LRBA: variants seen among roughly 807,000 people sequenced by gnomAD.
LRBA encodes the protein LPS responsive beige-like anchor protein.
Under a neutral mutation model 330.0 loss-of-function variants are expected in LRBA, and 176 were observed. The ratio of observed to expected loss-of-function variants is 0.53; its 90% CI spans 0.47 to 0.60. The LOEUF (loss-of-function observed/expected upper bound fraction) is 0.60, where lower values mean the gene tolerates loss of function less well. Among genes scored for constraint, LRBA ranks in the 20% least tolerant of loss-of-function variants. LRBA has a pLI of 0.00. For synonymous variants in LRBA, 1,230 were observed against 1,193.0 expected, an observed-to-expected ratio of 1.03 and a Z score of -0.64; for missense variants, 3,259 against 3,444.8, an observed-to-expected ratio of 0.95 and a Z score of 1.35.
At chr4:150,309,157 T>G (rs1730739843) in intron 52 of LRBA, among the ~76,000 whole-genome samples, 1 of 152,160 alleles carries the variant, frequency 6.6e-6, no homozygotes, top group Admixed American at 6.5e-5. Flanking sequence ...TTTTATCTCT[T>G]ATACCATACT....
chr4:150,275,505 A>G (rs1179757179), intron 56 of LRBA, among the ~76,000 whole-genome samples: 1 of 152,238 alleles, frequency 6.6e-6, no homozygotes, highest in African/African-American at 2.4e-5. Context: ...CTGTTTGCAG[A>G]TGACATGATT....
Position 150,639,819 on chromosome 4 carries a change from GTATATA to G in LRBA, c.5922-40694_5922-40689del, listed in dbSNP as rs56731034. On this transcript the variant is annotated intron_variant, in intron 37 of 56. Transcript: ENST00000651943. ...TATATATATATATGTGTGTGTGTGTGTATATATATATATATATATATATATATATAT... is the reference window on the plus strand; with the variant it reads ...TATATATATATATGTGTGTGTGTGTGTATATATATATATATATATATATAT... 3.8e-3 allele frequency among the ~76,000 whole-genome samples: 17 copies of G among 4,510 alleles called. 1 individual carries two copies. Among genetic ancestry groups the G allele is most frequent in the East Asian group, 0.021 (2 of 96 alleles). 3.0% of individuals were successfully genotyped at this position (4,510 alleles called of 152,430 possible).
chr4:150,328,437 G>A (rs1733574668), intron 48 of LRBA, among the ~76,000 whole-genome samples: 1 of 152,058 alleles, frequency 6.6e-6, no homozygotes, highest in African/African-American at 2.4e-5. Flanking sequence ...ATGTGTGCAT[G>A]TTTTTAAGCA....
rs181317611 is a variant in LRBA at position 150,842,887 on chromosome 4, A to G, written c.4569+1213T>C. On this transcript the variant is annotated intron_variant, in intron 28 of 56. Transcript: ENST00000651943. ...TAGTTTCATAGAAGACAATTTTTCA[A>G]TGGACCTGTAGGGGGTAAGAGGCGG... Among the ~76,000 whole-genome samples, 512 of 151,406 alleles carry G rather than the reference A, an allele frequency of 3.4e-3. 2 individuals carry two copies. The highest frequency in any genetic ancestry group is 0.012 in the African/African-American group (486 of 41,408).
At chr4:150,473,645 T>A (rs1181920821) in intron 42 of LRBA, among the ~76,000 whole-genome samples, 1 of 152,236 alleles carries the variant, frequency 6.6e-6, no homozygotes, top group East Asian at 1.9e-4. Context: ...TCTTACCCCA[T>A]CCCTCTCTCC....
chr4:150,579,511 A>G (rs977099425), intron 40 of LRBA: 1 of 384,004 alleles, frequency 2.6e-6, no homozygotes, highest in Non-Finnish European at 5.1e-6. Flanking sequence ...TATTTACTAG[A>G]GCATCTACCT....
chr4:150,736,453 A>T (rs892509679), intron 35 of LRBA, among the ~76,000 whole-genome samples: 9 of 152,122 alleles, frequency 5.9e-5, no homozygotes, highest in Admixed American at 3.9e-4. Flanking sequence ...GAACTGAAAA[A>T]AAATAAATAA....
intron 37 of LRBA, among the ~76,000 whole-genome samples, chr4:150,650,133 G>C (rs1779573071): frequency 6.6e-6 from 1 of 152,164 alleles, no homozygotes; most frequent in Admixed American, 6.5e-5. Context: ...CTCGTTCAAA[G>C]TTGCAAAGCC....
intron 48 of LRBA, among the ~76,000 whole-genome samples, chr4:150,333,254 G>A (rs998827873): frequency 1.5e-4 from 23 of 151,664 alleles, no homozygotes; most frequent in African/African-American, 5.6e-4. Flanking sequence ...AAGATGTAGG[G>A]TAGGGGAGAA....
intron 9 of LRBA, among the ~76,000 whole-genome samples, chr4:150,913,651 T>C (rs1162229077): frequency 6.6e-6 from 1 of 152,270 alleles, no homozygotes; most frequent in Non-Finnish European, 1.5e-5. Context: ...ACTATAATGG[T>C]GTTGCTATCT....
At chr4:150,396,256 T>A (rs1198578673) in intron 47 of LRBA, among the ~76,000 whole-genome samples, 1 of 152,206 alleles carries the variant, frequency 6.6e-6, no homozygotes, top group Admixed American at 6.6e-5. Context: ...GCTCCTGGTC[T>A]GTGAGTCTTC....
intron 47 of LRBA, among the ~76,000 whole-genome samples, chr4:150,365,707 C>T (rs574027873): frequency 4.6e-4 from 68 of 149,044 alleles, no homozygotes; most frequent in African/African-American, 1.7e-3. Flanking sequence ...AAGAGAATCT[C>T]TTGAACCAGG....
chr4:150,889,000 A>G (rs1729209910), intron 17 of LRBA, among the ~76,000 whole-genome samples: 1 of 152,184 alleles, frequency 6.6e-6, no homozygotes, highest in Non-Finnish European at 1.5e-5. Flanking sequence ...GTATGTCTCA[A>G]CTCAGAAGAG....
chr4:150,764,865 C>T (rs1326237059), intron 34 of LRBA, among the ~76,000 whole-genome samples: 1 of 151,950 alleles, frequency 6.6e-6, no homozygotes, highest in Non-Finnish European at 1.5e-5. Context: ...TTTGATGGTT[C>T]CTAACAAAAC....
Position 150,852,119 on chromosome 4 carries a change from G to C in LRBA, c.3591C>G (p.Ser1197=). 6.2e-7 allele frequency: 1 copy of C among 1,614,004 alleles called. No individual in the cohort carries two copies. Among genetic ancestry groups the C allele is most frequent in the Non-Finnish European group, 8.5e-7 (1 of 1,179,944 alleles). ...SSAMSPETTV[S]QIAVESDLGQ... Reference sequence around the variant, plus strand: ...CAAGGTCTGATTCTACAGCTATTTGGGAAACAGTAGTTTCTGGTGACATAG... The same window carrying C: ...CAAGGTCTGATTCTACAGCTATTTGCGAAACAGTAGTTTCTGGTGACATAG... The change falls in exon 23 of 57, where the codon TCC becomes TCG. Residue 1197 remains serine (S), a synonymous_variant. Coordinates refer to ENST00000651943, the MANE Select transcript of LRBA (RefSeq NM_001364905.1).
intron 44 of LRBA, among the ~76,000 whole-genome samples, chr4:150,464,626 T>C (rs1310065758): frequency 6.6e-6 from 1 of 152,088 alleles, no homozygotes; most frequent in African/African-American, 2.4e-5. Context: ...TCTGCTGATC[T>C]GGGCCTGGCT....
At chr4:150,696,137 G>A (rs1172509326) in intron 36 of LRBA, among the ~76,000 whole-genome samples, 3 of 152,118 alleles carry the variant, frequency 2.0e-5, no homozygotes, top group African/African-American at 4.8e-5. Flanking sequence ...GGATGAGGCG[G>A]GAGGATTGCT....
Position 150,831,976 on chromosome 4 carries a change from C to A in LRBA, c.4570G>T (p.Glu1524Ter). ...AAAAATTGAGCTTGTTTGCTATCCTCCTGGGAAAAAAAATTAAAGGAGTTG... is the reference window on the plus strand; with the variant it reads ...AAAAATTGAGCTTGTTTGCTATCCTACTGGGAAAAAAAATTAAAGGAGTTG... ...RLRAVVFRDI[E>*]DSKQAQFLAL... Residue 1524 changes from glutamate (E) to a stop codon, truncating the protein, a stop_gained and splice_region_variant, in exon 29 of 57, where the codon GAG (glutamate) becomes TAG (stop). Transcript: ENST00000651943. LOFTEE classifies it high-confidence loss of function. The A allele has an allele frequency of 6.8e-7, 1 of 1,475,694 alleles. No homozygotes were observed. The highest frequency in any genetic ancestry group is 1.5e-5 in the South Asian group (1 of 67,662). 91.4% of individuals were successfully genotyped at this position (1,475,694 alleles called of 1,614,324 possible).
At chr4:150,436,937 A>G in intron 44 of LRBA, 73 bp from the exon 45 acceptor site, 1 of 1,320,704 alleles carries the variant, frequency 7.6e-7, no homozygotes, top group South Asian at 1.2e-5. Context: ...TCTTCTGATG[A>G]TATCCTACTG....
Sources: allele counts gnomAD v4.1 joint callset (sites outside exome capture counted in the v4.1 genomes callset), GRCh38; gene constraint gnomAD v4.1.1; transcripts MANE v1.5; gene names NCBI Gene and HGNC (gene_info 2026-07-23, HGNC 2026-07-21).